The following RSPO2 variants were observed in gnomAD, a reference collection of about 807,000 sequenced individuals.
The protein encoded by RSPO2 is R-spondin 2, also known as R-spondin-2.
A neutral mutation model predicts 30.9 loss-of-function variants in RSPO2; 14 were observed. That is an observed-to-expected ratio of 0.45 (90% CI 0.30 to 0.71). The LOEUF (loss-of-function observed/expected upper bound fraction) is 0.71, where lower values mean the gene tolerates loss of function less well. Ranked by LOEUF, RSPO2 falls within the 30% of genes least tolerant of loss-of-function variation. The pLI is 0.08. For synonymous variants in RSPO2, 107 were observed against 96.4 expected (o/e 1.11, Z -0.64); for missense variants, 264 against 301.9 (o/e 0.87, Z 0.93).
intron 2 of RSPO2, among the ~76,000 whole-genome samples, chr8:108,021,413 G>A (rs1811053700): frequency 6.6e-6 from 1 of 152,170 alleles, no homozygotes. Flanking sequence ...AAAGCAAGTA[G>A]GAATTTAGTA....
rs567426348 is a variant in RSPO2, at chr8:108,053,494, C to T, written c.94+29051G>A. On this transcript the variant is annotated intron_variant, in intron 2 of 5. Coordinates refer to ENST00000276659, the MANE Select transcript of RSPO2 (RefSeq NM_178565.5). The stretch of plus-strand genomic sequence containing the variant: ...TCTAACGTTTCTATAACTAGGCAAG[C>T]AAAGCAATCTAGTGAATCTTGAAAA... Among the ~76,000 whole-genome samples the T allele has an allele frequency of 3.9e-5, 6 of 152,206 alleles. No homozygotes were observed. In the East Asian group the frequency reaches 9.7e-4, roughly 25 times the overall value.
intron 3 of RSPO2, among the ~76,000 whole-genome samples, chr8:107,979,283 A>G (rs995475560): frequency 2.0e-5 from 3 of 152,246 alleles, no homozygotes; most frequent in Admixed American, 1.3e-4. Context: ...AAACAACCCA[A>G]ATGTCCAACA....
At chr8:107,922,471 G>C (rs1236095805) in intron 5 of RSPO2, among the ~76,000 whole-genome samples, 1 of 152,048 alleles carries the variant, frequency 6.6e-6, no homozygotes, top group African/African-American at 2.4e-5. Flanking sequence ...CCATGTTCAT[G>C]GGTAGAATGG....
chr8:108,068,460 T>C (rs1033429843), intron 2 of RSPO2, among the ~76,000 whole-genome samples: 3 of 152,222 alleles, frequency 2.0e-5, no homozygotes, highest in South Asian at 2.1e-4. Flanking sequence ...AATATTATGG[T>C]ATAATTAACA....
At chr8:107,930,224 T>A (rs1432677078) in intron 5 of RSPO2, among the ~76,000 whole-genome samples, 2 of 152,194 alleles carry the variant, frequency 1.3e-5, no homozygotes, top group Non-Finnish European at 2.9e-5. Context: ...ATTGGTGAAG[T>A]CACTTAATCG....
chr8:108,077,504 C>T lies in RSPO2; in HGVS notation c.94+5041G>A, dbSNP rs201828761. On this transcript the variant is annotated intron_variant, in intron 2 of 5. Transcript: ENST00000276659. Reference sequence around the variant, plus strand: ...CTCTCCCTGCCACCCCCTTTCCCACCCACTCCCATCTTTTCATCTTGTCGA... The same window carrying T: ...CTCTCCCTGCCACCCCCTTTCCCACTCACTCCCATCTTTTCATCTTGTCGA... 2.6e-5 allele frequency among the ~76,000 whole-genome samples: 4 copies of T among 152,044 alleles called. No individual in the cohort carries two copies. The East Asian group carries it at 7.7e-4, about 29-fold the overall frequency.
chr8:108,061,268 G>A (rs1429515079), intron 2 of RSPO2, among the ~76,000 whole-genome samples: 1 of 151,836 alleles, frequency 6.6e-6, no homozygotes, highest in Non-Finnish European at 1.5e-5. Flanking sequence ...AGACCCATCA[G>A]TGTCCTGTAT....
At chr8:107,905,361 C>A (rs191093240) in intron 5 of RSPO2, among the ~76,000 whole-genome samples, 188 of 152,016 alleles carry the variant, frequency 1.2e-3, no homozygotes, top group Middle Eastern at 3.4e-3. Context: ...AAGCTTCTCT[C>A]TATATATATA....
chr8:107,976,322 G>A lies in RSPO2; in HGVS notation c.283+12734C>T, dbSNP rs1814209780. The stretch of plus-strand genomic sequence containing the variant: ...TTTAATTAAAGAAACATGGGCATTA[G>A]AGTTAGAGAGAATCCTAGATCCTGT... On this transcript the variant is annotated intron_variant, in intron 3 of 5. Coordinates refer to ENST00000276659, the MANE Select transcript of RSPO2 (RefSeq NM_178565.5). 3.3e-5 allele frequency among the ~76,000 whole-genome samples: 5 copies of A among 152,222 alleles called. No individual in the cohort carries two copies. In the South Asian group the frequency reaches 1.0e-3, roughly 31 times the overall value.
chr8:107,955,571 TA>T (rs1239766185), intron 5 of RSPO2, among the ~76,000 whole-genome samples: 2 of 152,052 alleles, frequency 1.3e-5, no homozygotes, highest in East Asian at 1.9e-4. Context: ...TGATTTTTTT[TA>T]AAAAAAGAAA....
At chr8:108,055,367 C>T (rs903050763) in intron 2 of RSPO2, among the ~76,000 whole-genome samples, 1 of 151,996 alleles carries the variant, frequency 6.6e-6, no homozygotes, top group African/African-American at 2.4e-5. Context: ...GAGAGGCTTC[C>T]AGGCTAGGCG....
intron 2 of RSPO2, among the ~76,000 whole-genome samples, chr8:108,044,110 C>T (rs1274087953): frequency 6.6e-6 from 1 of 150,824 alleles, no homozygotes; most frequent in African/African-American, 2.4e-5. Context: ...ACTATCCTAC[C>T]TAAAGTGGGT....
chr8:107,963,012 T>C (rs533472079), intron 3 of RSPO2, among the ~76,000 whole-genome samples: 2 of 152,290 alleles, frequency 1.3e-5, no homozygotes, highest in South Asian at 2.1e-4. Flanking sequence ...ATGCTCCCAA[T>C]ACCAGTTCAT....
intron 2 of RSPO2, among the ~76,000 whole-genome samples, chr8:108,068,403 C>T (rs1257830939): frequency 2.0e-5 from 3 of 152,176 alleles, no homozygotes; most frequent in Non-Finnish European, 4.4e-5. Context: ...AGTGATCCTA[C>T]CTCTACTAAG....
At chr8:107,958,577 T>C (rs1005688087) in intron 4 of RSPO2, among the ~76,000 whole-genome samples, 2 of 152,228 alleles carry the variant, frequency 1.3e-5, no homozygotes, top group Non-Finnish European at 2.9e-5. Context: ...ATGTGCAGGA[T>C]GTGCAGGTTT....
chr8:107,928,174 T>C (rs959444473), intron 5 of RSPO2, among the ~76,000 whole-genome samples: 5 of 152,148 alleles, frequency 3.3e-5, no homozygotes, highest in African/African-American at 1.2e-4. Flanking sequence ...ATTTGAACTC[T>C]GAACCCCCTT....
At chr8:107,984,711 A>C (rs565715263) in intron 3 of RSPO2, among the ~76,000 whole-genome samples, 61 of 152,324 alleles carry the variant, frequency 4.0e-4, no homozygotes, top group Middle Eastern at 3.4e-3. Context: ...CAAGAGTGGA[A>C]GTAATGCTAG....
At chr8:107,930,421 T>C (rs1305702279) in intron 5 of RSPO2, among the ~76,000 whole-genome samples, 1 of 152,224 alleles carries the variant, frequency 6.6e-6, no homozygotes, top group East Asian at 1.9e-4. Flanking sequence ...ACAGGCTCTA[T>C]TAATCAGATC....
intron 2 of RSPO2, among the ~76,000 whole-genome samples, chr8:108,010,494 C>T (rs117976766): frequency 0.015 from 2,235 of 152,202 alleles, 30 homozygotes; most frequent in South Asian, 0.019. Flanking sequence ...GAGCCCGAAG[C>T]AGTATAGTAA....
Sources: gnomAD v4.1 joint callset for allele counts (sites outside exome capture counted in the v4.1 genomes callset) on GRCh38, gnomAD v4.1.1 for gene constraint, MANE v1.5 for transcripts, NCBI Gene and HGNC (gene_info 2026-07-23, HGNC 2026-07-21) for gene names.